Variants in SEC11A observed in about 807,000 individuals in gnomAD.
SEC11A encodes SEC11 homolog A, signal peptidase complex subunit, also known as signal peptidase complex catalytic subunit SEC11A.
In SEC11A, 14 loss-of-function variants were observed where a neutral mutation model predicts 25.6. The observed-to-expected ratio is 0.55, with a 90% CI of 0.36 to 0.85. The LOEUF (loss-of-function observed/expected upper bound fraction) is 0.85. Among genes scored for constraint, SEC11A ranks in the 40% least tolerant of loss-of-function variants. SEC11A has a pLI of 0.01. For synonymous variants in SEC11A, 83 were observed against 76.4 expected, an observed-to-expected ratio of 1.09 and a Z score of -0.45; for missense variants, 153 against 222.9, an observed-to-expected ratio of 0.69 and a Z score of 2.00.
At chr15:84,705,841 C>T (rs1463863291) in intron 1 of SEC11A, among the ~76,000 whole-genome samples, 2 of 150,970 alleles carry the variant, frequency 1.3e-5, no homozygotes, top group African/African-American at 2.4e-5. Flanking sequence ...GGCAAGAGAG[C>T]GAGATTCCAT....
chr15:84,685,797 C>CTTTTTTTTT (rs72000042), intron 3 of SEC11A: 5 of 90,810 alleles, frequency 5.5e-5, no homozygotes, highest in Admixed American at 1.3e-4. Flanking sequence ...AAATAAATTT[C>CTTTTTTTTT]TTTTTTTTTT....
At chr15:84,703,322 T>G (rs1898003231) in intron 1 of SEC11A, among the ~76,000 whole-genome samples, 1 of 152,104 alleles carries the variant, frequency 6.6e-6, no homozygotes, top group African/African-American at 2.4e-5. Context: ...ACTCCATCAT[T>G]AAGTGTAAGT....
At chr15:84,701,503 C>T (rs1596081164) in intron 1 of SEC11A, among the ~76,000 whole-genome samples, 1 of 150,298 alleles carries the variant, frequency 6.7e-6, no homozygotes, top group African/African-American at 2.4e-5. Flanking sequence ...TGAGATCATG[C>T]CACTGCACTC....
At chr15:84,679,972 GAAAC>G in intron 4 of SEC11A, 1 of 1,522,528 alleles carries the variant, frequency 6.6e-7, no homozygotes, top group Non-Finnish European at 8.8e-7. Context: ...GATAAAATCT[GAAAC>G]AAACAGGCTT....
At position 84,693,621 on chromosome 15, in the gene SEC11A, C is replaced by T. The variant is rs953409580; in HGVS notation, c.52-1977G>A. Reference sequence around the variant, plus strand: ...TACAATGGGCATGCATCATCACGCCCGGCCAATTTTTGTATTTTTAGTAGA... The same window carrying T: ...TACAATGGGCATGCATCATCACGCCTGGCCAATTTTTGTATTTTTAGTAGA... On this transcript the variant is annotated intron_variant, in intron 1 of 5. Coordinates refer to ENST00000268220, the MANE Select transcript of SEC11A (RefSeq NM_014300.4). 2.1e-4 allele frequency among the ~76,000 whole-genome samples: 32 copies of T among 151,952 alleles called. 2 individuals are homozygous for T. Among genetic ancestry groups the T allele is most frequent in the Admixed American group, 1.6e-3 (25 of 15,254 alleles).
chr15:84,716,100 G>T lies in SEC11A; in HGVS notation c.-25C>A. Reference sequence around the variant, plus strand: ...TGGCGGGGACGGCGAGCAGGACACCGGCAGGGGAAAGGGCGCGATGACCAG... The same window carrying T: ...TGGCGGGGACGGCGAGCAGGACACCTGCAGGGGAAAGGGCGCGATGACCAG... On this transcript the variant is annotated 5_prime_UTR_variant, in exon 1 of 6. Coordinates refer to ENST00000268220, the MANE Select transcript of SEC11A (RefSeq NM_014300.4). 8 of 1,612,366 alleles carry T rather than the reference G, an allele frequency of 5.0e-6. No homozygotes were observed. Among genetic ancestry groups the T allele is most frequent in the Non-Finnish European group, 6.8e-6 (8 of 1,178,870 alleles).
intron 3 of SEC11A, among the ~76,000 whole-genome samples, chr15:84,682,458 T>C (rs1456089593): frequency 1.3e-5 from 2 of 152,154 alleles, no homozygotes; most frequent in East Asian, 3.8e-4. Context: ...TTTTGTTTTG[T>C]TTTGTTTTGA....
chr15:84,680,352 T>C (rs1198743812), intron 4 of SEC11A, among the ~76,000 whole-genome samples: 3 of 151,776 alleles, frequency 2.0e-5, no homozygotes, highest in South Asian at 2.1e-4. Context: ...GCAGGATTAA[T>C]AGTGCTCTAG....
chr15:84,685,358 A>G (rs559799869), intron 3 of SEC11A, among the ~76,000 whole-genome samples: 1 of 152,000 alleles, frequency 6.6e-6, no homozygotes, highest in Admixed American at 6.6e-5. Flanking sequence ...CCTGGGCTCA[A>G]GTGATCCTCC....
chr15:84,678,854 T>C (rs1025426793), intron 4 of SEC11A, among the ~76,000 whole-genome samples: 6 of 151,718 alleles, frequency 4.0e-5, no homozygotes, highest in African/African-American at 1.2e-4. Flanking sequence ...ATTAGCTGGG[T>C]GTGGTGACAC....
intron 4 of SEC11A, chr15:84,673,477 C>CA (rs1298191853): frequency 5.7e-6 from 1 of 174,356 alleles, no homozygotes; most frequent in Non-Finnish European, 1.2e-5. Context: ...CTCTTGTCTT[C>CA]ACCCCTCTCT....
At chr15:84,701,869 C>T (rs373007227) in intron 1 of SEC11A, among the ~76,000 whole-genome samples, 1 of 150,776 alleles carries the variant, frequency 6.6e-6, no homozygotes. Flanking sequence ...GAGATCGAGA[C>T]CATCCTGGCC....
At chr15:84,684,065 A>C (rs1282553628) in intron 3 of SEC11A, among the ~76,000 whole-genome samples, 1 of 152,246 alleles carries the variant, frequency 6.6e-6, no homozygotes, top group Non-Finnish European at 1.5e-5. Flanking sequence ...CAAAAGCTAA[A>C]TGGGTACAGA....
intron 3 of SEC11A, among the ~76,000 whole-genome samples, chr15:84,684,046 A>G (rs1432946899): frequency 6.6e-6 from 1 of 152,242 alleles, no homozygotes; most frequent in Admixed American, 6.5e-5. Context: ...TGAGAAAAAA[A>G]TAAGACCCCA....
intron 1 of SEC11A, among the ~76,000 whole-genome samples, chr15:84,695,858 G>A (rs571643961): frequency 6.6e-6 from 1 of 152,268 alleles, no homozygotes; most frequent in Admixed American, 6.5e-5. Flanking sequence ...AAAGGAACCA[G>A]GAGTCAAGGT....
chr15:84,713,493 TC>T (rs1898353225), intron 1 of SEC11A, among the ~76,000 whole-genome samples: 3 of 152,108 alleles, frequency 2.0e-5, no homozygotes, highest in Admixed American at 2.0e-4. Context: ...ATTTCATAAC[TC>T]TCCCTCACCC....
At chr15:84,690,907 A>C (rs959718987) in intron 2 of SEC11A, among the ~76,000 whole-genome samples, 1 of 152,162 alleles carries the variant, frequency 6.6e-6, no homozygotes, top group Non-Finnish European at 1.5e-5. Context: ...CAAAATGAGG[A>C]ATATAAAAAG....
intron 1 of SEC11A, among the ~76,000 whole-genome samples, chr15:84,701,730 T>C (rs1177904829): frequency 2.0e-5 from 3 of 150,898 alleles, no homozygotes; most frequent in South Asian, 2.1e-4. Context: ...CAAAAGAAAA[T>C]TGAAGAAAAA....
At chr15:84,708,641 C>A (rs1264595625) in intron 1 of SEC11A, among the ~76,000 whole-genome samples, 2 of 151,914 alleles carry the variant, frequency 1.3e-5, no homozygotes, top group Non-Finnish European at 2.9e-5. Flanking sequence ...AATGGAGTCT[C>A]ACTATGGTAC....
Sources: gnomAD v4.1 joint callset for allele counts (sites outside exome capture counted in the v4.1 genomes callset) on GRCh38, gnomAD v4.1.1 for gene constraint, MANE v1.5 for transcripts, NCBI Gene and HGNC (gene_info 2026-07-23, HGNC 2026-07-21) for gene names.